Variants in ZSWIM5 observed in about 807,000 individuals in gnomAD.
ZSWIM5 encodes zinc finger SWIM domain-containing protein 5.
Under a neutral mutation model 119.6 loss-of-function variants are expected in ZSWIM5, and 55 were observed. The observed-to-expected ratio is 0.46, with a 90% CI of 0.37 to 0.58. The LOEUF (loss-of-function observed/expected upper bound fraction) is 0.58, where lower values mean the gene tolerates loss of function less well. Among genes scored for constraint, ZSWIM5 ranks in the 20% least tolerant of loss-of-function variants. The pLI is 0.00. For synonymous variants in ZSWIM5, 537 were observed against 606.9 expected (o/e 0.88, Z 1.69); for missense variants, 1,193 against 1,512.8 (o/e 0.79, Z 3.51).
chr1:45,103,482 G>C (rs2149018363), intron 1 of ZSWIM5, among the ~76,000 whole-genome samples: 1 of 152,272 alleles, frequency 6.6e-6, no homozygotes, highest in Middle Eastern at 3.4e-3. Context: ...AGGTAGTCTG[G>C]CTCCAGAGCC....
At chr1:45,048,701 G>A (rs1290520030) in intron 5 of ZSWIM5, among the ~76,000 whole-genome samples, 1 of 152,134 alleles carries the variant, frequency 6.6e-6, no homozygotes, top group African/African-American at 2.4e-5. Context: ...TCAAGGTTTA[G>A]GGTATGATTT....
At chr1:45,081,706 A>G (rs1645292479) in intron 2 of ZSWIM5, among the ~76,000 whole-genome samples, 1 of 152,022 alleles carries the variant, frequency 6.6e-6, no homozygotes, top group Non-Finnish European at 1.5e-5. Context: ...CAAAGTGCCG[A>G]GATTGCAGCC....
intron 1 of ZSWIM5, among the ~76,000 whole-genome samples, chr1:45,166,296 T>C (rs1254823312): frequency 1.3e-5 from 2 of 152,040 alleles, no homozygotes; most frequent in African/African-American, 2.4e-5. Flanking sequence ...CTCAATAAAC[T>C]AGGTATTGAT....
At chr1:45,146,156 A>G (rs1645758162) in intron 1 of ZSWIM5, among the ~76,000 whole-genome samples, 1 of 152,188 alleles carries the variant, frequency 6.6e-6, no homozygotes, top group Non-Finnish European at 1.5e-5. Flanking sequence ...TATTGCTACA[A>G]AAGACAGTAA....
chr1:45,147,501 G>A (rs1186334479), intron 1 of ZSWIM5, among the ~76,000 whole-genome samples: 2 of 146,090 alleles, frequency 1.4e-5, no homozygotes, highest in African/African-American at 5.1e-5. Context: ...TTTCTGCTTT[G>A]CAGAACACAA....
intron 1 of ZSWIM5, among the ~76,000 whole-genome samples, chr1:45,150,171 T>TAAAAAAAAAAAAAAAAAAAA (rs59869691): frequency 3.2e-5 from 3 of 93,384 alleles, no homozygotes; most frequent in Non-Finnish European, 4.4e-5. Flanking sequence ...CTCTATCTCT[T>TAAAAAAAAAAAAAAAAAAAA]AAAAAAAAAA....
intron 1 of ZSWIM5, among the ~76,000 whole-genome samples, chr1:45,134,407 G>A (rs925736853): frequency 6.6e-6 from 1 of 152,178 alleles, no homozygotes; most frequent in Non-Finnish European, 1.5e-5. Context: ...GTTTGCTAAA[G>A]AGAAAGGAAA....
intron 1 of ZSWIM5, among the ~76,000 whole-genome samples, chr1:45,189,739 G>C (rs1053176631): frequency 6.6e-6 from 1 of 152,188 alleles, no homozygotes; most frequent in African/African-American, 2.4e-5. Context: ...CTGGGTGACA[G>C]AGCTGGATTT....
intron 1 of ZSWIM5, among the ~76,000 whole-genome samples, chr1:45,196,578 G>A (rs1469636603): frequency 6.6e-6 from 1 of 150,576 alleles, no homozygotes; most frequent in Non-Finnish European, 1.5e-5. Context: ...TTTTAGTAGA[G>A]GCGGGATTTC....
intron 11 of ZSWIM5, among the ~76,000 whole-genome samples, chr1:45,026,525 T>C (rs1428144313): frequency 6.6e-6 from 1 of 152,150 alleles, no homozygotes; most frequent in African/African-American, 2.4e-5. Context: ...ATTAACGGAT[T>C]CCATTCATTG....
At chr1:45,043,554 C>A (rs900955903) in intron 5 of ZSWIM5, among the ~76,000 whole-genome samples, 159 bp from the exon 6 acceptor site, 1 of 152,206 alleles carries the variant, frequency 6.6e-6, no homozygotes, top group Non-Finnish European at 1.5e-5. Context: ...GCAATGAGAG[C>A]AGCCACTTGC....
chr1:45,108,569 T>C (rs1338012431), intron 1 of ZSWIM5, among the ~76,000 whole-genome samples: 2 of 152,104 alleles, frequency 1.3e-5, no homozygotes, highest in Admixed American at 6.5e-5. Flanking sequence ...AGCCTTCTTC[T>C]GTGAGTTATA....
At position 45,018,966 on chromosome 1, in the gene ZSWIM5, C is replaced by T; in HGVS notation, c.3046G>A (p.Ala1016Thr). The T allele has an allele frequency of 6.2e-7, 1 of 1,614,230 alleles. No homozygotes were observed. The highest frequency in any genetic ancestry group is 8.5e-7 in the Non-Finnish European group (1 of 1,180,044). The change falls in exon 14 of 14, where the codon GCC (alanine) becomes ACC (threonine). Residue 1016 changes from alanine (A) to threonine (T), a missense_variant. Around this residue, in one of 2 missense-constraint regions of ZSWIM5, gnomAD observed 961 missense variants for 1,290.0 expected, o/e 0.74. Transcript: ENST00000359600. This position sits in a 1 kb window ranked among gnomAD's most constrained non-coding sequence, Gnocchi z 6.7. Reference sequence around the variant, plus strand: ...ATGGCCAATGAGGCCAGCTTGAAGGCACGTAGCGGGTAGCCACGGAGCTCC... The same window carrying T: ...ATGGCCAATGAGGCCAGCTTGAAGGTACGTAGCGGGTAGCCACGGAGCTCC... ...YMELRGYPLR[A>T]FKLASLAMSH...
intron 2 of ZSWIM5, among the ~76,000 whole-genome samples, chr1:45,086,380 G>C (rs1645329996): frequency 6.6e-6 from 1 of 152,086 alleles, no homozygotes; most frequent in Non-Finnish European, 1.5e-5. Context: ...GTAGTTTAGG[G>C]AAACTCAAAA....
At position 45,206,411 on chromosome 1, in the gene ZSWIM5, T is replaced by C. The variant is rs895741575; in HGVS notation, c.-61A>G. The C allele has an allele frequency of 5.4e-6, 7 of 1,296,918 alleles. No homozygotes were observed. The African/African-American group carries it at 7.7e-5, about 14-fold the overall frequency. The allele number at this position is 1,296,918 out of a possible 1,614,324, so 80.3% of individuals were successfully genotyped here. A position where few individuals can be genotyped will look rare whatever the true frequency, so the allele number is the denominator to read the frequency against. On this transcript the variant is annotated 5_prime_UTR_variant, in exon 1 of 14. Coordinates refer to ENST00000359600, the MANE Select transcript of ZSWIM5 (RefSeq NM_020883.2). ...GCTGCTCGGGCTGCGGCGGAGACCC[T>C]GGCCACGGCCACGCGCCCCGCGCAA...
chr1:45,144,590 C>T (rs971097181), intron 1 of ZSWIM5, among the ~76,000 whole-genome samples: 1 of 152,018 alleles, frequency 6.6e-6, no homozygotes, highest in East Asian at 1.9e-4. Flanking sequence ...TTCAATGAAG[C>T]GAGGACAGTC....
At chr1:45,107,593 G>C (rs1041295681) in intron 1 of ZSWIM5, among the ~76,000 whole-genome samples, 2 of 129,490 alleles carry the variant, frequency 1.5e-5, no homozygotes, top group Non-Finnish European at 3.1e-5. Flanking sequence ...AGTGAGCCGA[G>C]ATCACACCAC....
intron 6 of ZSWIM5, 60 bp from the exon 7 acceptor site, chr1:45,040,598 AC>A: frequency 1.4e-6 from 2 of 1,472,982 alleles, no homozygotes; most frequent in Non-Finnish European, 1.8e-6. Context: ...GAAAATTTAT[AC>A]CTGACAAAGA....
intron 11 of ZSWIM5, among the ~76,000 whole-genome samples, chr1:45,032,671 A>C (rs1644960104): frequency 6.6e-6 from 1 of 151,182 alleles, no homozygotes; most frequent in South Asian, 2.1e-4. Context: ...TTTTTAGTAG[A>C]GACAGGGGTT....
Sources: allele counts gnomAD v4.1 joint callset (sites outside exome capture counted in the v4.1 genomes callset), GRCh38; gene constraint gnomAD v4.1.1; regional missense constraint gnomAD v4.1.1; non-coding constraint Gnocchi (gnomAD v3.1); transcripts MANE v1.5; gene names NCBI Gene and HGNC (gene_info 2026-07-23, HGNC 2026-07-21).